Variants in ESRRG observed in about 807,000 individuals in gnomAD.
ESRRG encodes the protein estrogen related receptor gamma, also known as estrogen-related receptor gamma.
A neutral mutation model predicts 44.0 loss-of-function variants in ESRRG; 13 were observed. The observed-to-expected ratio is 0.30, with a 90% confidence interval of 0.19 to 0.47. The LOEUF (loss-of-function observed/expected upper bound fraction) is 0.47, where lower values mean the gene tolerates loss of function less well. ESRRG is among the 20% of genes least tolerant of loss of function. The pLI, the probability that ESRRG is intolerant of heterozygous loss-of-function variation, is 1.00. For missense variants in ESRRG, 395 were observed against 580.6 expected (o/e 0.68, Z 3.29); for synonymous variants, 215 against 214.6 (o/e 1.00, Z -0.02).
intron 2 of ESRRG, among the ~76,000 whole-genome samples, chr1:216,815,601 C>G (rs1411045213): frequency 6.6e-6 from 1 of 152,182 alleles, no homozygotes; most frequent in Non-Finnish European, 1.5e-5. Context: ...CCTGGCTTGG[C>G]TGCACCTGGT....
intron 2 of ESRRG, among the ~76,000 whole-genome samples, chr1:216,885,605 T>A (rs1242606832): frequency 6.7e-6 from 1 of 150,340 alleles, no homozygotes; most frequent in Non-Finnish European, 1.5e-5. Context: ...TCTTAAAGGT[T>A]TTTTTTTTAA....
chr1:216,740,905 TAC>T (rs1440654209), intron 2 of ESRRG, among the ~76,000 whole-genome samples: 3 of 151,502 alleles, frequency 2.0e-5, no homozygotes, highest in Admixed American at 1.3e-4. Flanking sequence ...GGATTATATA[TAC>T]ATATTGACAT....
At chr1:217,047,940 G>GGAAGAA (rs1008170008) in intron 1 of ESRRG, among the ~76,000 whole-genome samples, 2 of 152,190 alleles carry the variant, frequency 1.3e-5, no homozygotes, top group African/African-American at 4.8e-5. Context: ...ACGGTATCGG[G>GGAAGAA]GAAGAAGAAG....
chr1:216,987,417 A>G (rs2150465389), intron 1 of ESRRG, among the ~76,000 whole-genome samples: 1 of 152,314 alleles, frequency 6.6e-6, no homozygotes, highest in Admixed American at 6.5e-5. Context: ...CCTGCTTAGA[A>G]ATGTCTTTCT....
chr1:217,104,467 G>T (rs1449014925), intron 1 of ESRRG, among the ~76,000 whole-genome samples: 1 of 152,172 alleles, frequency 6.6e-6, no homozygotes, highest in Non-Finnish European at 1.5e-5. Flanking sequence ...GAGTGGCCTT[G>T]GGTAATTCAA....
chr1:216,590,061 T>C (rs942805917), intron 3 of ESRRG, among the ~76,000 whole-genome samples: 15 of 151,916 alleles, frequency 9.9e-5, no homozygotes, highest in African/African-American at 3.6e-4. Context: ...ATCTTAAAAA[T>C]AGTATAAATG....
At chr1:216,874,549 A>G (rs945066228) in intron 2 of ESRRG, among the ~76,000 whole-genome samples, 3 of 152,194 alleles carry the variant, frequency 2.0e-5, no homozygotes, top group Admixed American at 6.5e-5. Context: ...TTCCTTCCAT[A>G]CAGAGGCAAT....
chr1:216,542,587 G>T (rs1291579318), intron 5 of ESRRG, among the ~76,000 whole-genome samples: 1 of 151,904 alleles, frequency 6.6e-6, no homozygotes, highest in Non-Finnish European at 1.5e-5. Context: ...TGTAGCATTT[G>T]TTACACATAT....
intron 1 of ESRRG, among the ~76,000 whole-genome samples, chr1:217,096,450 A>G (rs2092423897): frequency 6.6e-6 from 1 of 152,190 alleles, no homozygotes. Context: ...TGTGAGTCTC[A>G]TTTCTGCCTC....
chr1:216,636,535 T>C (rs758059104), intron 3 of ESRRG, among the ~76,000 whole-genome samples: 1 of 152,230 alleles, frequency 6.6e-6, no homozygotes, highest in Non-Finnish European at 1.5e-5. Context: ...TTAGCTATTT[T>C]CTAATGTGCA....
chr1:216,902,662 TC>T (rs2059222753), intron 2 of ESRRG, among the ~76,000 whole-genome samples: 1 of 152,120 alleles, frequency 6.6e-6, no homozygotes, highest in South Asian at 2.1e-4. Context: ...TGGTAAATAG[TC>T]CCATCTCTTC....
intron 3 of ESRRG, among the ~76,000 whole-genome samples, chr1:216,634,971 T>A (rs1415178572): frequency 6.6e-6 from 1 of 152,128 alleles, no homozygotes; most frequent in Non-Finnish European, 1.5e-5. Context: ...CCCTCCTTTT[T>A]CTCTCTCCTC....
At chr1:217,060,822 A>AGATAGAT (rs2088263633) in intron 1 of ESRRG, among the ~76,000 whole-genome samples, 6 of 133,980 alleles carry the variant, frequency 4.5e-5, no homozygotes, top group African/African-American at 1.6e-4. Context: ...ATAGATAGAT[A>AGATAGAT]GATAGATAGA....
Position 216,950,863 on chromosome 1 carries a change from T to C in ESRRG, c.-105-11190A>G, listed in dbSNP as rs188735898. On this transcript the variant is annotated intron_variant, in intron 1 of 7. Coordinates refer to the ESRRG transcript ENST00000359162. ...TGGAGTATCCACCTATTGAGAGGTG[T>C]CATAATATAGAACTTGCATGAGACA... Among the ~76,000 whole-genome samples, 620 of 152,296 alleles carry C rather than the reference T, an allele frequency of 4.1e-3. 5 individuals are homozygous for C. Among genetic ancestry groups the C allele is most frequent in the African/African-American group, 0.014 (594 of 41,568 alleles).
upstream of ESRRG, among the ~76,000 whole-genome samples, chr1:216,724,411 G>A (rs2087054513): frequency 7.1e-6 from 1 of 141,818 alleles, no homozygotes; most frequent in African/African-American, 2.6e-5. Flanking sequence ...TGCACTAAAA[G>A]TATTCTTAAT....
At chr1:216,937,153 C>T (rs886185655) in intron 2 of ESRRG, among the ~76,000 whole-genome samples, 1 of 151,636 alleles carries the variant, frequency 6.6e-6, no homozygotes, top group African/African-American at 2.4e-5. Context: ...TCCACTTAGC[C>T]AGCCATAAGC....
At chr1:217,125,876 T>C (rs764286120) in intron 1 of ESRRG, among the ~76,000 whole-genome samples, 13 of 152,316 alleles carry the variant, frequency 8.5e-5, no homozygotes, top group Non-Finnish European at 1.5e-4. Flanking sequence ...GGTGTCTAGA[T>C]CCCTGATGCT....
intron 1 of ESRRG, among the ~76,000 whole-genome samples, chr1:216,951,759 A>G (rs1578570263): frequency 7.6e-6 from 1 of 131,860 alleles, no homozygotes; most frequent in Non-Finnish European, 1.7e-5. Flanking sequence ...GTGTGTGTGT[A>G]TACAGCAAAA....
chr1:216,883,460 A>G (rs1361452277), intron 2 of ESRRG, among the ~76,000 whole-genome samples: 1 of 151,784 alleles, frequency 6.6e-6, no homozygotes, highest in Non-Finnish European at 1.5e-5. Context: ...CTTAAAATAA[A>G]GAGTTTGAAT....
Sources: allele counts gnomAD v4.1 joint callset (sites outside exome capture counted in the v4.1 genomes callset), GRCh38; gene constraint gnomAD v4.1.1; transcripts MANE v1.5; gene names NCBI Gene and HGNC (gene_info 2026-07-23, HGNC 2026-07-21).